MTUS1: variants seen among roughly 807,000 people sequenced by gnomAD.
MTUS1 encodes the protein microtubule-associated tumor suppressor 1.
A neutral mutation model predicts 120.8 loss-of-function variants in MTUS1; 109 were observed. The ratio of observed to expected loss-of-function variants is 0.90; its 90% CI spans 0.77 to 1.06. The LOEUF is 1.06. Ranked by LOEUF, MTUS1 falls within the 50% of genes least tolerant of loss-of-function variation. The probability of loss-of-function intolerance (pLI) is 0.00; values close to 1 mark genes in which losing one functional copy is unlikely to be tolerated. For missense variants in MTUS1, 2,210 were observed against 1,486.3 expected (o/e 1.49, Z -8.01); for synonymous variants, 737 against 550.5 (o/e 1.34, Z -4.74).
chr8:17,726,025 C>G (rs951882798), intron 3 of MTUS1, among the ~76,000 whole-genome samples: 20 of 152,138 alleles, frequency 1.3e-4, no homozygotes, highest in African/African-American at 4.8e-4. Context: ...ACACACACAC[C>G]CCTTCGTGGT....
chr8:17,667,233 C>G (rs1811105864), intron 8 of MTUS1, among the ~76,000 whole-genome samples: 1 of 152,168 alleles, frequency 6.6e-6, no homozygotes, highest in Admixed American at 6.5e-5. Context: ...TCTGAGGTGG[C>G]TATCAACTCA....
At chr8:17,788,919 G>C (rs548598225) in intron 1 of MTUS1, among the ~76,000 whole-genome samples, 1 of 152,220 alleles carries the variant, frequency 6.6e-6, no homozygotes, top group Admixed American at 6.5e-5. Flanking sequence ...TGTTTGTATA[G>C]AAGTAAATAA....
At chr8:17,709,466 A>G (rs1820834864) in intron 6 of MTUS1, among the ~76,000 whole-genome samples, 2 of 152,082 alleles carry the variant, frequency 1.3e-5, no homozygotes, top group African/African-American at 4.8e-5. Context: ...TTAGCTCTCC[A>G]GAGACAAGGC....
intron 7 of MTUS1, among the ~76,000 whole-genome samples, chr8:17,679,462 GA>G (rs1813841129): frequency 6.7e-6 from 1 of 149,906 alleles, no homozygotes; most frequent in Non-Finnish European, 1.5e-5. Context: ...CTTTACCCAT[GA>G]TTTTTTTTCT....
At chr8:17,647,403 A>G (rs1037191685) in intron 13 of MTUS1, 1 of 215,908 alleles carries the variant, frequency 4.6e-6, no homozygotes, top group Non-Finnish European at 9.1e-6. Context: ...AACCCTGCAG[A>G]CACACTGCCC....
chr8:17,791,417 T>C (rs1028622103), intron 1 of MTUS1, among the ~76,000 whole-genome samples: 2 of 152,214 alleles, frequency 1.3e-5, no homozygotes, highest in African/African-American at 4.8e-5. Context: ...TTCTGGACTA[T>C]GTTACAGGTG....
chr8:17,792,796 G>A (rs562399465), intron 1 of MTUS1, among the ~76,000 whole-genome samples: 1 of 151,226 alleles, frequency 6.6e-6, no homozygotes, highest in South Asian at 2.1e-4. Flanking sequence ...CCTGGGAGGC[G>A]GAGGTTGCAG....
chr8:17,790,938 A>G (rs751661433), intron 1 of MTUS1, among the ~76,000 whole-genome samples: 4 of 152,120 alleles, frequency 2.6e-5, no homozygotes, highest in Non-Finnish European at 4.4e-5. Flanking sequence ...AGTCAGCCGG[A>G]TCGTACCACT....
rs1345832072 is a variant in MTUS1, at chr8:17,755,693, A to C, written c.115T>G (p.Ser39Ala). Reference sequence around the variant, plus strand: ...TTCCAGTTCACACTGCTGGCTGAAGAGTTTTGTGTAGGTGGTGATTTCGGG... The same window carrying C: ...TTCCAGTTCACACTGCTGGCTGAAGCGTTTTGTGTAGGTGGTGATTTCGGG... Reference protein sequence around the residue: ...YNPKSPPTQNSSASSVNWNSA... With the variant: ...YNPKSPPTQNASASSVNWNSA... Residue 39 changes from serine (S) to alanine (A), a missense_variant, in exon 2 of 15, where the codon TCT becomes GCT. Ser to Ala is a moderately conservative substitution (Grantham distance 99). Transcript: ENST00000693296. The C allele has an allele frequency of 3.1e-6, 5 of 1,614,104 alleles. No individual in the cohort carries two copies. In the South Asian group the frequency reaches 4.4e-5, roughly 14 times the overall value.
rs1585434246 is a variant in MTUS1, at chr8:17,656,187, C to T, written c.2906-122G>A. The T allele has an allele frequency of 1.3e-5, 11 of 825,156 alleles. 1 individual carries two copies. In the Admixed American group the frequency reaches 2.2e-4, roughly 17 times the overall value. 51.1% of individuals were successfully genotyped at this position (825,156 alleles called of 1,614,324 possible). ...CATACACCCATGATGTCTTGGGTCT[C>T]TAGTGACCATGTCTTCAAATATAAC... On this transcript the variant is annotated intron_variant, in intron 8 of 14. Transcript: ENST00000693296.
At chr8:17,685,634 T>C (rs147446875) in intron 6 of MTUS1, among the ~76,000 whole-genome samples, 65 of 152,280 alleles carry the variant, frequency 4.3e-4, no homozygotes, top group African/African-American at 1.4e-3. Flanking sequence ...TAAAGAAACA[T>C]CAGTACTCAC....
rs1585352724 is a variant in MTUS1 at position 17,644,598 on chromosome 8, T to C, written c.*1328A>G. 6.6e-6 allele frequency: 1 copy of C among 152,298 alleles called. No individual in the cohort carries two copies. Among genetic ancestry groups the C allele is most frequent in the Admixed American group, 6.5e-5 (1 of 15,284 alleles). The allele number at this position is 152,298 out of a possible 1,614,324, so 9.4% of individuals were successfully genotyped here. ...GGAAAGAAGCGGACCATTCTGCTAC[T>C]TTCCCAAAGACAAAGGGACTCCTTA... On this transcript the variant is annotated 3_prime_UTR_variant, in exon 15 of 15. Coordinates refer to ENST00000693296, the MANE Select transcript of MTUS1 (RefSeq NM_001363059.2).
At chr8:17,792,258 C>T (rs182663862) in intron 1 of MTUS1, among the ~76,000 whole-genome samples, 125 of 152,214 alleles carry the variant, frequency 8.2e-4, no homozygotes, top group Admixed American at 1.9e-3. Context: ...GAAAAGCAGT[C>T]CCTAGCACTG....
chr8:17,755,751 G>A lies in MTUS1; in HGVS notation c.57C>T (p.Thr19=). ...CATGTGTATTTCCATCTTTATCACTGGTAAAGAAGGTTTGCAATTCATCTT... is the reference window on the plus strand; with the variant it reads ...CATGTGTATTTCCATCTTTATCACTAGTAAAGAAGGTTTGCAATTCATCTT... ...KIEDELQTFF[T]SDKDGNTHAY... is the part of the protein sequence containing the mutation. The change falls in exon 2 of 15, where the codon ACC becomes ACT. Residue 19 remains threonine, a synonymous_variant. Coordinates refer to ENST00000693296, the MANE Select transcript of MTUS1 (RefSeq NM_001363059.2). The A allele has an allele frequency of 6.2e-7, 1 of 1,613,770 alleles. No individual in the cohort carries two copies. Among genetic ancestry groups the A allele is most frequent in the Non-Finnish European group, 8.5e-7 (1 of 1,179,874 alleles).
At chr8:17,672,091 T>C (rs1812143814) in intron 8 of MTUS1, among the ~76,000 whole-genome samples, 1 of 152,202 alleles carries the variant, frequency 6.6e-6, no homozygotes, top group African/African-American at 2.4e-5. Context: ...GAGAATACTC[T>C]GATGAGGTCT....
At chr8:17,749,659 C>CAAAAAAAAAAA (rs768210060) in intron 2 of MTUS1, among the ~76,000 whole-genome samples, 2 of 76,404 alleles carry the variant, frequency 2.6e-5, no homozygotes, top group South Asian at 4.7e-4. Context: ...GAATCTGTCT[C>CAAAAAAAAAAA]AAAAAAAAAA....
chr8:17,711,130 C>G lies in MTUS1; in HGVS notation c.2623+2084G>C, dbSNP rs111514004. Among the ~76,000 whole-genome samples the G allele has an allele frequency of 5.7e-3, 872 of 152,280 alleles. 4 individuals are homozygous for G. The highest frequency in any genetic ancestry group is 8.0e-3 in the Non-Finnish European group (545 of 68,010). ...TAATTCTTAAGGGCCCTAGAATTTT[C>G]AGAATGGTAAGTGAACGTCAGCTTC... is the stretch of plus-strand genomic sequence containing the variant. On this transcript the variant is annotated intron_variant, in intron 6 of 14. Transcript: ENST00000693296.
intron 8 of MTUS1, among the ~76,000 whole-genome samples, chr8:17,673,936 T>C (rs555418038): frequency 1.3e-5 from 2 of 152,320 alleles, no homozygotes; most frequent in South Asian, 4.1e-4. Context: ...TTACCTTGCA[T>C]TATTCATACA....
intron 4 of MTUS1, among the ~76,000 whole-genome samples, chr8:17,717,348 C>T (rs553723087): frequency 8.5e-5 from 13 of 152,204 alleles, no homozygotes; most frequent in African/African-American, 2.9e-4. Context: ...TTAAAGACAC[C>T]GCCATTACAA....
Sources: gnomAD v4.1 joint callset for allele counts (sites outside exome capture counted in the v4.1 genomes callset) on GRCh38, gnomAD v4.1.1 for gene constraint, MANE v1.5 for transcripts, NCBI Gene and HGNC (gene_info 2026-07-23, HGNC 2026-07-21) for gene names.